GCNT2: variants seen among roughly 807,000 people sequenced by gnomAD.
The protein encoded by GCNT2 is glucosaminyl (N-acetyl) transferase 2 (I blood group), also known as N-acetyllactosaminide beta-1,6-N-acetylglucosaminyl-transferase.
Under a neutral mutation model 34.2 loss-of-function variants are expected in GCNT2, and 34 were observed. The ratio of observed to expected loss-of-function variants is 1.00; its 90% confidence interval spans 0.76 to 1.32. The LOEUF (loss-of-function observed/expected upper bound fraction) is 1.32, where lower values mean the gene tolerates loss of function less well. Ranked by LOEUF, GCNT2 falls within the 40% of genes most tolerant of loss-of-function variation. The pLI, the probability that GCNT2 is intolerant of heterozygous loss-of-function variation, is 0.00. For missense variants in GCNT2, 584 were observed against 489.4 expected, an observed-to-expected ratio of 1.19 and a Z score of -1.82; for synonymous variants, 212 against 188.0, an observed-to-expected ratio of 1.13 and a Z score of -1.04.
rs1214940977 is a variant in GCNT2, at chr6:10,586,171, G to A, written c.926-35180G>A. 7 of 1,614,110 alleles carry A rather than the reference G, an allele frequency of 4.3e-6. No homozygotes were observed. In the South Asian group the frequency reaches 6.6e-5, roughly 15 times the overall value. On this transcript the variant is annotated intron_variant, in intron 3 of 4. Coordinates refer to ENST00000495262, the MANE Select transcript of GCNT2 (RefSeq NM_145649.5). ...TTAGAGAAAATGCCAGTCTTTTTGT[G>A]GGAAAATATATTACCATCACCTTTG...
intron 1 of GCNT2, among the ~76,000 whole-genome samples, chr6:10,524,292 C>T (rs1183002437): frequency 1.3e-5 from 2 of 149,120 alleles, no homozygotes; most frequent in Admixed American, 6.7e-5. Flanking sequence ...CTCTTGTTGC[C>T]TGGGCTGGAG....
chr6:10,617,161 G>A (rs1483864713), intron 3 of GCNT2, among the ~76,000 whole-genome samples: 1 of 152,172 alleles, frequency 6.6e-6, no homozygotes, highest in East Asian at 1.9e-4. Context: ...GGCGGTCGGG[G>A]GGAGGCTCAG....
chr6:10,583,230 G>A (rs192143736), intron 3 of GCNT2, among the ~76,000 whole-genome samples: 48 of 152,246 alleles, frequency 3.2e-4, no homozygotes, highest in Middle Eastern at 3.4e-3. Context: ...TCGCATCCAC[G>A]GCACTGTTGC....
chr6:10,551,452 T>A (rs139729371), intron 3 of GCNT2, among the ~76,000 whole-genome samples: 5 of 60,412 alleles, frequency 8.3e-5, no homozygotes, highest in African/African-American at 1.7e-4. Flanking sequence ...TATTAATTTA[T>A]TTTTTTTTTT....
chr6:10,529,910 A>G (rs909263948), intron 3 of GCNT2, 74 bp downstream of exon 3: 1 of 1,230,388 alleles, frequency 8.1e-7, no homozygotes, highest in Non-Finnish European at 1.2e-6. Flanking sequence ...TGCTTTGAAA[A>G]GAGTGGAAAA....
intron 3 of GCNT2, among the ~76,000 whole-genome samples, chr6:10,589,777 C>T (rs1764552688): frequency 6.6e-6 from 1 of 152,112 alleles, no homozygotes; most frequent in Middle Eastern, 3.2e-3. Context: ...ACGTGGAGAA[C>T]ATTACATATG....
chr6:10,542,816 A>G (rs1029760639), intron 3 of GCNT2, among the ~76,000 whole-genome samples: 2 of 151,838 alleles, frequency 1.3e-5, no homozygotes, highest in African/African-American at 4.8e-5. Flanking sequence ...ATTCCTGAAC[A>G]AGTCACTATG....
intron 3 of GCNT2, among the ~76,000 whole-genome samples, chr6:10,606,677 G>GAAATTTAATGGAAATGTCCA (rs1765333198): frequency 6.7e-6 from 1 of 149,704 alleles, no homozygotes; most frequent in Non-Finnish European, 1.5e-5. Flanking sequence ...AAATTTAATA[G>GAAATTTAATGGAAATGTCCA]TGGTTGAGAA....
intron 3 of GCNT2, among the ~76,000 whole-genome samples, chr6:10,576,168 C>A (rs145501252): frequency 4.3e-4 from 66 of 152,310 alleles, no homozygotes; most frequent in Middle Eastern, 3.4e-3. Context: ...CCACGCCCTG[C>A]CACATTTTCA....
chr6:10,533,719 G>A (rs1362669887), intron 3 of GCNT2, among the ~76,000 whole-genome samples: 9 of 142,478 alleles, frequency 6.3e-5, no homozygotes, highest in Admixed American at 6.0e-4. Flanking sequence ...AGCGATTTAG[G>A]AGAACCAGGA....
intron 3 of GCNT2, among the ~76,000 whole-genome samples, chr6:10,567,055 A>G (rs181340166): frequency 3.7e-4 from 56 of 152,370 alleles, no homozygotes; most frequent in African/African-American, 1.2e-3. Flanking sequence ...GGCTAGACTT[A>G]TGCCTATAAT....
chr6:10,590,443 A>T (rs1166294551), intron 3 of GCNT2, among the ~76,000 whole-genome samples: 1 of 150,992 alleles, frequency 6.6e-6, no homozygotes, highest in Non-Finnish European at 1.5e-5. Flanking sequence ...ATGTGGCATG[A>T]CTTCCAGGAC....
rs576923314 is a variant in GCNT2 at position 10,624,754 on chromosome 6, C to T, written c.1019-1663C>T. On this transcript the variant is annotated intron_variant, in intron 4 of 4. Transcript: ENST00000495262. Reference sequence around the variant, plus strand: ...CTTCTTTCATTGTTCCCTCCTGTTTCAAGAGGACAAGTCACCCATCCTCCC... The same window carrying T: ...CTTCTTTCATTGTTCCCTCCTGTTTTAAGAGGACAAGTCACCCATCCTCCC... Among the ~76,000 whole-genome samples, 12 of 152,312 alleles carry T rather than the reference C, an allele frequency of 7.9e-5. No individual in the cohort carries two copies. In the South Asian group the frequency reaches 2.5e-3, roughly 32 times the overall value.
At chr6:10,540,141 AAG>A (rs1181590711) in intron 3 of GCNT2, among the ~76,000 whole-genome samples, 2 of 151,826 alleles carry the variant, frequency 1.3e-5, no homozygotes, top group African/African-American at 2.4e-5. Context: ...GGAAGGAAGG[AAG>A]AGAGGGAGAG....
intron 3 of GCNT2, among the ~76,000 whole-genome samples, chr6:10,568,507 G>A (rs1054431937): frequency 1.1e-4 from 17 of 152,092 alleles, no homozygotes; most frequent in African/African-American, 3.9e-4. Context: ...GGTCTCTCTG[G>A]CCCGAGTCTC....
intron 3 of GCNT2, among the ~76,000 whole-genome samples, chr6:10,537,704 A>C (rs1761830558): frequency 1.8e-5 from 1 of 54,926 alleles, no homozygotes; most frequent in Admixed American, 1.8e-4. Context: ...GCCGCAAAAA[A>C]AAAAAAAAAA....
rs1762140831 is a variant in GCNT2 at position 10,543,747 on chromosome 6, G to A, written c.925+13911G>A. ...TGGCCTTTGATATATCTTCTTAGAAGAGGACTAAGTGCCCTTTGGACGTTA... is the reference window on the plus strand; with the variant it reads ...TGGCCTTTGATATATCTTCTTAGAAAAGGACTAAGTGCCCTTTGGACGTTA... On this transcript the variant is annotated intron_variant, in intron 3 of 4. Coordinates refer to ENST00000495262, the MANE Select transcript of GCNT2 (RefSeq NM_145649.5). 2.0e-5 allele frequency among the ~76,000 whole-genome samples: 3 copies of A among 152,156 alleles called. No individual in the cohort carries two copies. The South Asian group carries it at 6.2e-4, about 32-fold the overall frequency.
In GCNT2 at chr6:10,529,777, G is replaced by A; in HGVS notation, c.866G>A (p.Trp289Ter). 1.2e-6 allele frequency: 2 copies of A among 1,614,060 alleles called. No homozygotes were observed. Among genetic ancestry groups the A allele is most frequent in the Non-Finnish European group, 1.7e-6 (2 of 1,179,972 alleles). ...QDQLALDLLS[W>*]SKDTYSPDEH... is the part of the protein sequence containing the mutation. ...CAGCTCGCACTTGACTTACTCTCCT[G>A]GTCCAAGGACACCTACAGCCCCGAC... Residue 289 changes from tryptophan to a stop codon, truncating the protein, a stop_gained, in exon 3 of 5, where the codon TGG becomes TAG. Coordinates refer to ENST00000495262, the MANE Select transcript of GCNT2 (RefSeq NM_145649.5). LOFTEE classifies it high-confidence loss of function.
chr6:10,534,649 T>G (rs2113543411), intron 3 of GCNT2, among the ~76,000 whole-genome samples: 1 of 152,228 alleles, frequency 6.6e-6, no homozygotes, highest in South Asian at 2.1e-4. Flanking sequence ...GGCAGGGTCA[T>G]GTGGTTTAAA....
Sources: allele counts gnomAD v4.1 joint callset (sites outside exome capture counted in the v4.1 genomes callset), GRCh38; gene constraint gnomAD v4.1.1; transcripts MANE v1.5; gene names NCBI Gene and HGNC (gene_info 2026-07-23, HGNC 2026-07-21).